The following DST variants were observed in gnomAD, a reference collection of about 807,000 sequenced individuals.
The protein encoded by DST is dystonin, also known as bullous pemphigoid antigen.
In DST, 253 loss-of-function variants were observed where a neutral mutation model predicts 875.2. That is an observed-to-expected ratio of 0.29 (90% confidence interval 0.26 to 0.32). DST has a LOEUF of 0.32. Among genes scored for constraint, DST ranks in the 10% least tolerant of loss-of-function variants. The probability of loss-of-function intolerance (pLI) is 1.00; values close to 1 mark genes in which losing one functional copy is unlikely to be tolerated. For synonymous variants in DST, 3,124 were observed against 3,197.1 expected (o/e 0.98, Z 0.77); for missense variants, 8,287 against 9,111.6 (o/e 0.91, Z 3.68).
At chr6:56,502,244 T>C (rs1426339265) in intron 78 of DST, among the ~76,000 whole-genome samples, 2 of 152,156 alleles carry the variant, frequency 1.3e-5, no homozygotes, top group East Asian at 1.9e-4. Context: ...GTCACTGACA[T>C]AGTTAATCAT....
chr6:56,954,030 G>T (rs1385872270), intron 1 of DST, among the ~76,000 whole-genome samples: 2 of 152,196 alleles, frequency 1.3e-5, no homozygotes, highest in East Asian at 3.9e-4. Context: ...AGTTCTGGGG[G>T]AGTTGGGGAG....
intron 3 of DST, among the ~76,000 whole-genome samples, chr6:56,884,797 C>T (rs539871934): frequency 6.0e-4 from 92 of 152,180 alleles, no homozygotes; most frequent in African/African-American, 2.1e-3. Flanking sequence ...GGCGCGATCT[C>T]GGCTCAATGC....
intron 5 of DST, among the ~76,000 whole-genome samples, chr6:56,718,211 C>A (rs2099401714): frequency 6.6e-6 from 1 of 152,074 alleles, no homozygotes; most frequent in South Asian, 2.1e-4. Context: ...GGTGACAGAG[C>A]AAGACCTCAT....
intron 4 of DST, among the ~76,000 whole-genome samples, chr6:56,754,623 T>C (rs181001422): frequency 0.014 from 2,173 of 152,270 alleles, 36 homozygotes; most frequent in Middle Eastern, 0.048. Context: ...CCAAGAGCTA[T>C]GTAAACACAG....
intron 2 of DST, among the ~76,000 whole-genome samples, chr6:56,922,907 A>G (rs919874410): frequency 1.3e-5 from 2 of 152,166 alleles, no homozygotes; most frequent in African/African-American, 4.8e-5. Flanking sequence ...TATTGTTTCA[A>G]AGTAATTAAA....
intron 4 of DST, among the ~76,000 whole-genome samples, chr6:56,738,736 C>T (rs576446329): frequency 6.6e-6 from 1 of 152,088 alleles, no homozygotes; most frequent in Non-Finnish European, 1.5e-5. Flanking sequence ...GATCCTCTCA[C>T]CTCAGCCTCC....
chr6:56,719,631 C>T (rs1589150050), intron 5 of DST, among the ~76,000 whole-genome samples: 1 of 152,318 alleles, frequency 6.6e-6, no homozygotes. Flanking sequence ...GAAATTCAGC[C>T]AGATATTGGG....
At chr6:56,735,556 T>TCACCACCACCACCCC (rs2099519945) in intron 4 of DST, among the ~76,000 whole-genome samples, 1 of 151,168 alleles carries the variant, frequency 6.6e-6, no homozygotes, top group African/African-American at 2.5e-5. Context: ...TAACCCCTCA[T>TCACCACCACCACCCC]CACCACCACC....
intron 90 of DST, among the ~76,000 whole-genome samples, chr6:56,480,610 C>T (rs986831234): frequency 6.6e-6 from 1 of 152,142 alleles, no homozygotes; most frequent in African/African-American, 2.4e-5. Flanking sequence ...TGAAGGGAAG[C>T]AGAGGAGATG....
intron 63 of DST, 115 bp from the exon 64 acceptor site, chr6:56,532,625 A>T: frequency 1.0e-6 from 1 of 967,022 alleles, no homozygotes; most frequent in Non-Finnish European, 1.5e-6. Flanking sequence ...ATGTATGCAC[A>T]TATGAAAGGA....
At chr6:56,585,767 TG>T (rs2098134235) in intron 49 of DST, among the ~76,000 whole-genome samples, 1 of 151,848 alleles carries the variant, frequency 6.6e-6, no homozygotes, top group Non-Finnish European at 1.5e-5. Flanking sequence ...CTGCTTTGAA[TG>T]TGTCCCAGAG....
intron 9 of DST, among the ~76,000 whole-genome samples, chr6:56,677,184 T>C (rs116165260): frequency 0.012 from 1,894 of 152,220 alleles, 33 homozygotes; most frequent in African/African-American, 0.043. Flanking sequence ...TTCTAAAGAT[T>C]AAATAAAAAC....
At chr6:56,636,287 CAT>C (rs993234103) in intron 23 of DST, among the ~76,000 whole-genome samples, 122 of 148,184 alleles carry the variant, frequency 8.2e-4, no homozygotes, top group African/African-American at 2.6e-3. Flanking sequence ...CACACACACA[CAT>C]ATACATATAT....
At chr6:56,881,155 A>G (rs1037479977) in intron 3 of DST, among the ~76,000 whole-genome samples, 3 of 152,010 alleles carry the variant, frequency 2.0e-5, no homozygotes, top group Admixed American at 6.6e-5. Flanking sequence ...AGCATAAAAT[A>G]CCATCTTTCT....
At chr6:56,654,600 A>C (rs907324642) in intron 10 of DST, among the ~76,000 whole-genome samples, 1 of 149,614 alleles carries the variant, frequency 6.7e-6, no homozygotes, top group African/African-American at 2.6e-5. Context: ...ATATATATAT[A>C]TATATCTCCA....
At chr6:56,730,019 A>G (rs2099490830) in intron 5 of DST, among the ~76,000 whole-genome samples, 1 of 152,228 alleles carries the variant, frequency 6.6e-6, no homozygotes, top group East Asian at 1.9e-4. Flanking sequence ...AAATGCATTT[A>G]TGTGTCAATA....
At chr6:56,744,286 A>C (rs2152941958) in intron 4 of DST, among the ~76,000 whole-genome samples, 1 of 152,218 alleles carries the variant, frequency 6.6e-6, no homozygotes, top group South Asian at 2.1e-4. Flanking sequence ...AAGAAGTTAC[A>C]TCAGAATTTA....
At chr6:56,948,193 G>T (rs1221887719) in intron 2 of DST, among the ~76,000 whole-genome samples, 1 of 152,240 alleles carries the variant, frequency 6.6e-6, no homozygotes, top group East Asian at 1.9e-4. Context: ...CATTCTTGTG[G>T]TATATCTCAG....
intron 2 of DST, among the ~76,000 whole-genome samples, chr6:56,949,150 C>T (rs890353216): frequency 1.3e-5 from 2 of 152,154 alleles, no homozygotes; most frequent in Non-Finnish European, 2.9e-5. Context: ...CTTAAGATTA[C>T]ATAAAGATGC....
Sources: gnomAD v4.1 joint callset for allele counts (sites outside exome capture counted in the v4.1 genomes callset) on GRCh38, gnomAD v4.1.1 for gene constraint, MANE v1.5 for transcripts, NCBI Gene and HGNC (gene_info 2026-07-23, HGNC 2026-07-21) for gene names.